The following SLC35A5 variants were observed in gnomAD, a reference collection of about 807,000 sequenced individuals.
SLC35A5 encodes the protein solute carrier family 35 member A5.
SLC35A5 carries 28 observed loss-of-function variants against 36.3 expected under a neutral mutation model. The ratio of observed to expected loss-of-function variants is 0.77; its 90% confidence interval spans 0.57 to 1.06. The LOEUF (loss-of-function observed/expected upper bound fraction) is 1.06, where lower values mean the gene tolerates loss of function less well. Among genes scored for constraint, SLC35A5 ranks in the 50% least tolerant of loss-of-function variants. The probability of loss-of-function intolerance (pLI) is 0.00; values close to 1 mark genes in which losing one functional copy is unlikely to be tolerated. For missense variants in SLC35A5, 521 were observed against 499.3 expected (o/e 1.04, Z -0.41); for synonymous variants, 180 against 173.7 (o/e 1.04, Z -0.29).
chr3:112,576,160 G>A (rs563434077), intron 5 of SLC35A5, among the ~76,000 whole-genome samples: 7 of 149,360 alleles, frequency 4.7e-5, no homozygotes, highest in Non-Finnish European at 1.0e-4. Context: ...ACGGAGTCTT[G>A]CTCTGTCGCC....
intron 2 of SLC35A5, among the ~76,000 whole-genome samples, chr3:112,567,724 G>A (rs1264272328): frequency 6.6e-6 from 1 of 152,248 alleles, no homozygotes; most frequent in Non-Finnish European, 1.5e-5. Flanking sequence ...GGCAGGAGAT[G>A]TGTGGAGGGA....
chr3:112,566,921 G>A (rs1934220755), intron 2 of SLC35A5, among the ~76,000 whole-genome samples: 2 of 152,146 alleles, frequency 1.3e-5, no homozygotes, highest in Non-Finnish European at 2.9e-5. Context: ...AAGCCAGTTA[G>A]TAGAGAGGAA....
chr3:112,567,143 G>C (rs183360005), intron 2 of SLC35A5, among the ~76,000 whole-genome samples: 1 of 151,816 alleles, frequency 6.6e-6, no homozygotes, highest in East Asian at 2.0e-4. Context: ...GGAGAATGAC[G>C]TGAACCTGGG....
chr3:112,565,698 G>A (rs564064574), intron 2 of SLC35A5, among the ~76,000 whole-genome samples: 1 of 152,172 alleles, frequency 6.6e-6, no homozygotes, highest in African/African-American at 2.4e-5. Context: ...GAATGAACCC[G>A]GGAGGCAGAG....
intron 1 of SLC35A5, among the ~76,000 whole-genome samples, chr3:112,562,958 G>A (rs1287380659): frequency 6.6e-6 from 1 of 152,354 alleles, no homozygotes; most frequent in East Asian, 1.9e-4. Flanking sequence ...TATTCTGGAG[G>A]CTGACGCAGG....
chr3:112,565,819 G>C (rs998470075), intron 2 of SLC35A5, among the ~76,000 whole-genome samples: 5 of 151,950 alleles, frequency 3.3e-5, no homozygotes, highest in African/African-American at 1.2e-4. Flanking sequence ...AAGAGAAGGA[G>C]TGGTTGGCTG....
chr3:112,568,206 G>T (rs1300603687), intron 2 of SLC35A5, among the ~76,000 whole-genome samples: 1 of 152,210 alleles, frequency 6.6e-6, no homozygotes, highest in Non-Finnish European at 1.5e-5. Context: ...AATTGATTCT[G>T]ATTAGTTTGA....
chr3:112,570,755 G>A (rs764190327), intron 4 of SLC35A5, 85 bp downstream of exon 4: 4 of 1,335,452 alleles, frequency 3.0e-6, no homozygotes, highest in Non-Finnish European at 4.0e-6. Flanking sequence ...CATTTTTGTT[G>A]GCATTGTTAG....
At chr3:112,563,341 G>T in intron 1 of SLC35A5, 44 bp from the exon 2 acceptor site, 1 of 1,393,572 alleles carries the variant, frequency 7.2e-7, no homozygotes, top group Non-Finnish European at 9.5e-7. Flanking sequence ...TTGCGTTTAG[G>T]GTCTGCCAAC....
intron 5 of SLC35A5, among the ~76,000 whole-genome samples, chr3:112,578,963 G>A (rs1012343210): frequency 1.7e-4 from 26 of 152,086 alleles, no homozygotes; most frequent in African/African-American, 6.0e-4. Context: ...TTAGTTCACA[G>A]TTTCTCACCT....
At chr3:112,564,839 A>G (rs574901430) in intron 2 of SLC35A5, among the ~76,000 whole-genome samples, 1 of 152,344 alleles carries the variant, frequency 6.6e-6, no homozygotes, top group East Asian at 1.9e-4. Context: ...TTGTTTAACA[A>G]AGCACATCTT....
In SLC35A5 at chr3:112,585,279, A is replaced by C. The variant is rs1431890878; in HGVS notation, c.*2543A>C. On this transcript the variant is annotated 3_prime_UTR_variant, in exon 7 of 7. Coordinates refer to ENST00000492406, the MANE Select transcript of SLC35A5 (RefSeq NM_017945.5). Reference sequence around the variant, plus strand: ...CATGAGAACTTACTATCATGAGAACAGCATGGGGGAAACTGCCCCCATGAT... The same window carrying C: ...CATGAGAACTTACTATCATGAGAACCGCATGGGGGAAACTGCCCCCATGAT... 6.6e-6 allele frequency: 1 copy of C among 152,182 alleles called. No individual in the cohort carries two copies. The highest frequency in any genetic ancestry group is 1.5e-5 in the Non-Finnish European group (1 of 68,020). The allele number at this position is 152,182 out of a possible 1,614,324, so 9.4% of individuals were successfully genotyped here.
chr3:112,569,181 T>G lies in SLC35A5; in HGVS notation c.141T>G (p.Tyr47Ter). 11 of 1,612,516 alleles carry G rather than the reference T, an allele frequency of 6.8e-6. No homozygotes were observed. Among genetic ancestry groups the G allele is most frequent in the Non-Finnish European group, 9.3e-6 (11 of 1,179,214 alleles). Residue 47 changes from tyrosine (Y) to a stop codon, truncating the protein, a stop_gained, in exon 3 of 7, where the codon TAT becomes TAG. Transcript: ENST00000492406. LOFTEE classifies it high-confidence loss of function. The part of the protein sequence containing the change: ...VKYSANEENK[Y>*]DYLPTTVNVC... ...TCTGTTACATTTCAGAAAACAAGTA[T>G]GATTATCTTCCAACTACTGTGAATG...
intron 2 of SLC35A5, among the ~76,000 whole-genome samples, chr3:112,565,583 G>A (rs573195985): frequency 1.3e-5 from 2 of 152,288 alleles, no homozygotes; most frequent in South Asian, 4.1e-4. Context: ...TTTGAGACCA[G>A]GCTGGCCAAC....
At chr3:112,573,481 A>G (rs973799778) in intron 4 of SLC35A5, among the ~76,000 whole-genome samples, 14 of 152,226 alleles carry the variant, frequency 9.2e-5, no homozygotes, top group African/African-American at 2.9e-4. Context: ...AAAAAAATCT[A>G]TACTTCAGTT....
intron 2 of SLC35A5, among the ~76,000 whole-genome samples, chr3:112,567,726 G>A (rs781288829): frequency 1.3e-4 from 20 of 152,258 alleles, no homozygotes; most frequent in Non-Finnish European, 2.8e-4. Context: ...CAGGAGATGT[G>A]TGGAGGGAAA....
rs1576736880 is a variant in SLC35A5, at chr3:112,562,271, G to T, written c.-22G>T. ...TCTTCCACTAGAAGCTCTTCTGAGG[G>T]AGGTAACCGCGCCCCGCGGGCAAGG... On this transcript the variant is annotated splice_region_variant and 5_prime_UTR_variant, in exon 1 of 7. An upstream open reading frame in the 5' UTR gains an earlier in-frame stop. Transcript: ENST00000492406. 6.6e-6 allele frequency: 1 copy of T among 152,586 alleles called. No individual in the cohort carries two copies. The highest frequency in any genetic ancestry group is 2.4e-5 in the African/African-American group (1 of 41,472). The allele number at this position is 152,586 out of a possible 1,614,324, so 9.5% of individuals were successfully genotyped here.
chr3:112,563,342 G>T, intron 1 of SLC35A5, 43 bp from the exon 2 acceptor site: 1 of 1,394,778 alleles, frequency 7.2e-7, no homozygotes, highest in Non-Finnish European at 9.5e-7. Flanking sequence ...TGCGTTTAGG[G>T]TCTGCCAACA....
intron 4 of SLC35A5, among the ~76,000 whole-genome samples, chr3:112,570,880 G>C (rs1040640912): frequency 6.6e-6 from 1 of 152,112 alleles, no homozygotes; most frequent in Non-Finnish European, 1.5e-5. Flanking sequence ...ATTAAACTGG[G>C]CTGACTACCA....
Sources: allele counts gnomAD v4.1 joint callset (sites outside exome capture counted in the v4.1 genomes callset), GRCh38; gene constraint gnomAD v4.1.1; transcripts MANE v1.5; gene names NCBI Gene and HGNC (gene_info 2026-07-23, HGNC 2026-07-21).